The following TMPRSS6 variants were observed in gnomAD, a reference collection of about 807,000 sequenced individuals.
TMPRSS6 encodes the protein transmembrane serine protease 6, also known as transmembrane protease serine 6.
TMPRSS6 carries 67 observed loss-of-function variants against 101.5 expected under a neutral mutation model. That is an observed-to-expected ratio of 0.66 (90% CI 0.54 to 0.81). TMPRSS6 has a LOEUF of 0.81. Ranked by LOEUF, TMPRSS6 falls within the 30% of genes least tolerant of loss-of-function variation. The pLI is 0.00. For synonymous variants in TMPRSS6, 453 were observed against 464.9 expected, an observed-to-expected ratio of 0.97 and a Z score of 0.33; for missense variants, 1,034 against 1,088.7, an observed-to-expected ratio of 0.95 and a Z score of 0.71.
intron 6 of TMPRSS6, among the ~76,000 whole-genome samples, chr22:37,095,020 GA>G (rs1251521237): frequency 6.6e-6 from 1 of 152,230 alleles, no homozygotes; most frequent in Non-Finnish European, 1.5e-5. Flanking sequence ...TCCGCTTGGA[GA>G]AATGCAAGGT....
chr22:37,083,128 G>C (rs1475221911), intron 10 of TMPRSS6: 3 of 468,546 alleles, frequency 6.4e-6, no homozygotes, highest in East Asian at 1.4e-4. Context: ...ACTAGACTCT[G>C]AACCCATTAG....
rs1467153669 is a variant in TMPRSS6, at chr22:37,069,063, C to G, written c.2113+10G>C. ...CCCTCCGCCTCCCGCCGCAAGTCCC[C>G]GCTGCTCACCGCCCTCGCGCAAGGC... is the stretch of plus-strand genomic sequence containing the variant. On this transcript the variant is annotated intron_variant, in intron 16 of 17. Transcript: ENST00000676104. The surrounding 1 kb of genome is among the most constrained non-coding windows in gnomAD (Gnocchi z 4.8). 8 of 1,538,008 alleles carry G rather than the reference C, an allele frequency of 5.2e-6. No homozygotes were observed. The highest frequency in any genetic ancestry group is 1.2e-5 in the South Asian group (1 of 84,162).
At chr22:37,082,975 A>G in intron 10 of TMPRSS6, 1 of 471,042 alleles carries the variant, frequency 2.1e-6, no homozygotes, top group South Asian at 1.5e-5. Context: ...CAACAAGCAA[A>G]TTACAAGTGT....
intron 10 of TMPRSS6, among the ~76,000 whole-genome samples, chr22:37,078,272 C>T (rs1262920638): frequency 6.6e-6 from 1 of 152,164 alleles, no homozygotes; most frequent in Admixed American, 6.5e-5. Flanking sequence ...GAAGCAACTG[C>T]GTTGAGGACC....
At position 37,103,115 on chromosome 22, in the gene TMPRSS6, A is replaced by T; in HGVS notation, c.202+101T>A. 7.9e-7 allele frequency: 1 copy of T among 1,269,430 alleles called. No individual in the cohort carries two copies. Among genetic ancestry groups the T allele is most frequent in the Non-Finnish European group, 1.1e-6 (1 of 885,914 alleles). 78.6% of individuals were successfully genotyped at this position (1,269,430 alleles called of 1,614,324 possible). ...GCCCAAGGTCACACAGCAATATGCT[A>T]AGCACGGCTGAGCCTGGAACCCAGT... On this transcript the variant is annotated intron_variant, in intron 2 of 17. Coordinates refer to ENST00000676104, the MANE Select transcript of TMPRSS6 (RefSeq NM_001374504.1). This position sits in a 1 kb window ranked among gnomAD's most constrained non-coding sequence, Gnocchi z 4.4.
Position 37,089,736 on chromosome 22 carries a change from C to A in TMPRSS6, c.678G>T (p.Leu226=). 1 of 1,612,632 alleles carries A rather than the reference C, an allele frequency of 6.2e-7. No individual in the cohort carries two copies. The change falls in exon 7 of 18, where the codon CTG becomes CTT. Residue 226 remains leucine, a synonymous_variant. Transcript: ENST00000676104. ...SYVGQGQVLR[L]KGPDHLASSC... ...TGGAGGCCAGGTGGTCAGGCCCCTT[C>A]AGCCGGAGGACCTGGCCCTGGCCCA...
Position 37,086,639 on chromosome 22 carries a change from C to T in TMPRSS6, c.837-220G>A, listed in dbSNP as rs564500089. ...GGCCCTCCAAGGACCAGGCTAGCTC[C>T]TCGGGTGAGAGAGGCCAGGAGGTTC... On this transcript the variant is annotated intron_variant, in intron 7 of 17. Coordinates refer to ENST00000676104, the MANE Select transcript of TMPRSS6 (RefSeq NM_001374504.1). 2.4e-4 allele frequency among the ~76,000 whole-genome samples: 37 copies of T among 152,270 alleles called. 1 individual carries two copies. Among genetic ancestry groups the T allele is most frequent in the Non-Finnish European group, 4.7e-4 (32 of 68,008 alleles).
chr22:37,108,176 G>T (rs538219027), intron 1 of TMPRSS6, among the ~76,000 whole-genome samples: 1 of 152,308 alleles, frequency 6.6e-6, no homozygotes, highest in African/African-American at 2.4e-5. Flanking sequence ...AGAGCAGCCA[G>T]CCGGCACCAA....
chr22:37,102,075 A>G (rs1235837914), intron 2 of TMPRSS6, among the ~76,000 whole-genome samples: 1 of 152,188 alleles, frequency 6.6e-6, no homozygotes, highest in Non-Finnish European at 1.5e-5. Flanking sequence ...CTAGGCCTAC[A>G]TGGATTTCTC....
chr22:37,070,540 C>A lies in TMPRSS6; in HGVS notation c.1785G>T (p.Gly595=). ...LQVRGRHICG[G]ALIADRWVIT... ...TCACCCAGCGGTCAGCGATGAGGGC[C>A]CCCCCACAGATGTGTCGACCCCGAA... The change falls in exon 15 of 18, where the codon GGG becomes GGT. Residue 595 remains glycine, a synonymous_variant. Transcript: ENST00000676104. 6.2e-7 allele frequency: 1 copy of A among 1,613,404 alleles called. No homozygotes were observed. Among genetic ancestry groups the A allele is most frequent in the Non-Finnish European group, 8.5e-7 (1 of 1,180,018 alleles).
chr22:37,066,920 A>T lies in TMPRSS6; in HGVS notation c.2156T>A (p.Ile719Asn), dbSNP rs781664810. ...GACCTCGCTGCACAGGTCCTGTGGGATCAACTGCACATCCACTTTCTGCAG... is the reference window on the plus strand; with the variant it reads ...GACCTCGCTGCACAGGTCCTGTGGGTTCAACTGCACATCCACTTTCTGCAG... ...NALQKVDVQLIPQDLCSEVYR... is the reference protein window; with the variant it reads ...NALQKVDVQLNPQDLCSEVYR... Residue 719 changes from isoleucine (I) to asparagine (N), a missense_variant, in exon 17 of 18, where the codon ATC (isoleucine) becomes AAC (asparagine). Transcript: ENST00000676104. 1 of 1,614,118 alleles carries T rather than the reference A, an allele frequency of 6.2e-7. No individual in the cohort carries two copies. Among genetic ancestry groups the T allele is most frequent in the South Asian group, 1.1e-5 (1 of 91,076 alleles).
Position 37,095,944 on chromosome 22 carries a change from G to A in TMPRSS6, c.551C>T (p.Ala184Val). ...GCCCTCGGGGTCCACTTCGTACTCG[G>A]CCCTGTAGGGGACGGCAGCCGAGCT... ...VNSSAAVPYR[A>V]EYEVDPEGLV... Residue 184 changes from alanine (A) to valine (V), a missense_variant, in exon 5 of 18, where the codon GCC becomes GTC. Physicochemically the swap from Ala to Val is moderately conservative, Grantham distance 64. Transcript: ENST00000676104. The A allele has an allele frequency of 6.2e-7, 1 of 1,614,132 alleles. No homozygotes were observed. The highest frequency in any genetic ancestry group is 8.5e-7 in the Non-Finnish European group (1 of 1,180,040).
At chr22:37,066,734 CAGCAGGCTGATG>C (rs1304004802) in intron 17 of TMPRSS6, 80 bp downstream of exon 17, 19 of 1,566,088 alleles carry the variant, frequency 1.2e-5, no homozygotes, top group Admixed American at 1.7e-5. Context: ...TGGGAGGCTT[CAGCAGGCTGATG>C]TGAGCAAAGG....
At chr22:37,080,510 G>A (rs1269540503) in intron 10 of TMPRSS6, among the ~76,000 whole-genome samples, 1 of 152,230 alleles carries the variant, frequency 6.6e-6, no homozygotes, top group Non-Finnish European at 1.5e-5. Flanking sequence ...TCATGTCTTT[G>A]CCACCCACAC....
At chr22:37,082,122 G>T (rs1459886842) in intron 10 of TMPRSS6, among the ~76,000 whole-genome samples, 1 of 152,178 alleles carries the variant, frequency 6.6e-6, no homozygotes, top group Non-Finnish European at 1.5e-5. Context: ...CCTGCTGTTT[G>T]TGGCTGTTGG....
chr22:37,096,583 A>T, intron 4 of TMPRSS6, 65 bp downstream of exon 4: 1 of 1,511,898 alleles, frequency 6.6e-7, no homozygotes, highest in Non-Finnish European at 9.0e-7. Context: ...AAGCCTACAG[A>T]GGCCCCTCCC....
At chr22:37,067,720 G>A (rs977933540) in intron 16 of TMPRSS6, among the ~76,000 whole-genome samples, 2 of 133,302 alleles carry the variant, frequency 1.5e-5, no homozygotes, top group African/African-American at 3.0e-5. Flanking sequence ...ACAGTCCCCC[G>A]GGGAGCCTTG....
chr22:37,072,993 T>C (rs1346097644), intron 13 of TMPRSS6, among the ~76,000 whole-genome samples: 3 of 145,088 alleles, frequency 2.1e-5, no homozygotes, highest in Non-Finnish European at 3.0e-5. Context: ...GATGGATAGA[T>C]GGATGATGGA....
At chr22:37,106,654 C>T (rs1288812325) in intron 1 of TMPRSS6, among the ~76,000 whole-genome samples, 5 of 152,208 alleles carry the variant, frequency 3.3e-5, no homozygotes, top group Non-Finnish European at 5.9e-5. Flanking sequence ...CATCCTCCCT[C>T]CCCAGCTCAA....
Sources: allele counts gnomAD v4.1 joint callset (sites outside exome capture counted in the v4.1 genomes callset), GRCh38; gene constraint gnomAD v4.1.1; non-coding constraint Gnocchi (gnomAD v3.1); transcripts MANE v1.5; gene names NCBI Gene and HGNC (gene_info 2026-07-23, HGNC 2026-07-21).